RUNX1: variants seen among roughly 807,000 people sequenced by gnomAD.
RUNX1 encodes the protein runt-related transcription factor 1.
Under a neutral mutation model 42.8 loss-of-function variants are expected in RUNX1, and 19 were observed. The observed-to-expected ratio is 0.44, with a 90% CI of 0.31 to 0.65. The LOEUF (loss-of-function observed/expected upper bound fraction) is 0.65, where lower values mean the gene tolerates loss of function less well. Among genes scored for constraint, RUNX1 ranks in the 30% least tolerant of loss-of-function variants. The pLI, the probability that RUNX1 is intolerant of heterozygous loss-of-function variation, is 0.07. For missense variants in RUNX1, 528 were observed against 672.0 expected (o/e 0.79, Z 2.37); for synonymous variants, 271 against 289.4 (o/e 0.94, Z 0.64).
intron 2 of RUNX1, among the ~76,000 whole-genome samples, chr21:34,928,961 TG>T (rs57397826): frequency 0.48 from 66,177 of 138,434 alleles, 15,491 homozygotes; most frequent in East Asian, 0.66. Flanking sequence ...AGATTTTTTT[TG>T]GGGGGGGGGG....
intron 2 of RUNX1, among the ~76,000 whole-genome samples, chr21:34,942,326 A>C (rs1167250864): frequency 1.3e-5 from 2 of 152,164 alleles, no homozygotes; most frequent in Non-Finnish European, 2.9e-5. Flanking sequence ...GCAAAAAAAA[A>C]AAAATCATTT....
intron 2 of RUNX1, among the ~76,000 whole-genome samples, chr21:34,936,623 CGA>C (rs1283886534): frequency 6.6e-6 from 1 of 152,106 alleles, no homozygotes; most frequent in Admixed American, 6.5e-5. Context: ...CAAGAACACT[CGA>C]ATGCACAAAG....
At chr21:34,818,058 C>T (rs777144817) in intron 7 of RUNX1, among the ~76,000 whole-genome samples, 4 of 152,252 alleles carry the variant, frequency 2.6e-5, no homozygotes, top group Admixed American at 1.3e-4. Context: ...CTACTTTCTG[C>T]GGCTGTCACT....
chr21:34,888,679 G>A, intron 3 of RUNX1: 2 of 1,043,036 alleles, frequency 1.9e-6, no homozygotes, highest in Non-Finnish European at 2.3e-6. Flanking sequence ...GCCCGCGCCC[G>A]CTGGCTCTAT....
intron 8 of RUNX1, among the ~76,000 whole-genome samples, chr21:34,795,464 A>C (rs1270146955): frequency 6.6e-6 from 1 of 151,998 alleles, no homozygotes; most frequent in African/African-American, 2.4e-5. Flanking sequence ...GAGGGGATAC[A>C]CTCCTCATCA....
intron 2 of RUNX1, among the ~76,000 whole-genome samples, chr21:34,938,497 ATCC>A (rs1266432067): frequency 6.6e-6 from 1 of 151,802 alleles, no homozygotes; most frequent in South Asian, 2.1e-4. Flanking sequence ...CTGCTCTGCA[ATCC>A]TCCTCCTCCT....
At chr21:34,867,216 G>A (rs1172275148) in intron 5 of RUNX1, among the ~76,000 whole-genome samples, 1 of 151,588 alleles carries the variant, frequency 6.6e-6, no homozygotes, top group Non-Finnish European at 1.5e-5. Flanking sequence ...GGGCAGCTTG[G>A]TGAAACCCCA....
intron 2 of RUNX1, among the ~76,000 whole-genome samples, chr21:34,973,216 C>G (rs2058775403): frequency 6.6e-6 from 1 of 152,310 alleles, no homozygotes; most frequent in South Asian, 2.1e-4. Flanking sequence ...AGGCCCCTCA[C>G]ATCTCTAAAA....
At chr21:35,048,222 A>G (rs1024650288) in intron 2 of RUNX1, among the ~76,000 whole-genome samples, 2 of 152,190 alleles carry the variant, frequency 1.3e-5, no homozygotes, top group African/African-American at 4.8e-5. Context: ...ACAAGGAAAA[A>G]CACAGCACAG....
intron 6 of RUNX1, among the ~76,000 whole-genome samples, chr21:34,841,795 C>T (rs2057240252): frequency 6.6e-6 from 1 of 152,170 alleles, no homozygotes; most frequent in Non-Finnish European, 1.5e-5. Flanking sequence ...CCTGGAGATC[C>T]CCTTTTAAGT....
chr21:35,027,060 T>A (rs1269985109), intron 2 of RUNX1, among the ~76,000 whole-genome samples: 3 of 152,104 alleles, frequency 2.0e-5, no homozygotes, highest in Middle Eastern at 6.8e-3. Context: ...ACGGGGTCTG[T>A]GTCAAGAGGC....
In RUNX1 at chr21:34,967,640, A is replaced by G. The variant is rs182118938; in HGVS notation, c.59-74677T>C. 3.9e-5 allele frequency among the ~76,000 whole-genome samples: 6 copies of G among 152,340 alleles called. No homozygotes were observed. The East Asian group carries it at 1.2e-3, about 29-fold the overall frequency. On this transcript the variant is annotated intron_variant, in intron 2 of 8. Transcript: ENST00000675419. ...GTGGTGAGAAGTGACACAGAGTCAC[A>G]TTACATAAAATGACGAGGCCTGAGG...
chr21:34,868,798 T>C lies in RUNX1; in HGVS notation c.509-9220A>G, dbSNP rs554670046. On this transcript the variant is annotated intron_variant, in intron 5 of 8. Transcript: ENST00000675419. ...GGGTTCTCTTTGGCTGACCGTCGTA[T>C]TTCTCATGCTAGCCCAGTTCCTGGC... Among the ~76,000 whole-genome samples the C allele has an allele frequency of 9.2e-5, 14 of 152,356 alleles. No homozygotes were observed. The East Asian group carries it at 2.5e-3, about 27-fold the overall frequency.
At chr21:34,956,262 A>G (rs2058643195) in intron 2 of RUNX1, among the ~76,000 whole-genome samples, 1 of 152,160 alleles carries the variant, frequency 6.6e-6, no homozygotes, top group Non-Finnish European at 1.5e-5. Context: ...GAATTTTGCC[A>G]TAGCCCAAGC....
Position 34,886,986 on chromosome 21 carries a change from T to G in RUNX1, c.208A>C (p.Lys70Gln). The G allele has an allele frequency of 6.2e-7, 1 of 1,608,386 alleles. No homozygotes were observed. Among genetic ancestry groups the G allele is most frequent in the East Asian group, 2.2e-5 (1 of 44,832 alleles). The change falls in exon 4 of 9, where the codon AAG becomes CAG. Residue 70 changes from lysine (K) to glutamine (Q), a missense_variant. Transcript: ENST00000675419. ...APDAGAALAGKLRSGDRSMVE... is the reference protein window; with the variant it reads ...APDAGAALAGQLRSGDRSMVE... ...ATGCTGCGGTCGCCGCTCCTCAGCT[T>G]GCCGGCCAGGGCAGCGCCGGCGTCC...
intron 6 of RUNX1, among the ~76,000 whole-genome samples, chr21:34,838,018 T>G (rs2146096358): frequency 6.6e-6 from 1 of 152,314 alleles, no homozygotes; most frequent in African/African-American, 2.4e-5. Context: ...GTCAATGCCG[T>G]TTGCAAAATT....
intron 6 of RUNX1, among the ~76,000 whole-genome samples, chr21:34,845,676 G>A (rs924707996): frequency 4.6e-5 from 7 of 152,240 alleles, no homozygotes; most frequent in South Asian, 4.1e-4. Context: ...TTTCCCAGCC[G>A]GAGGGGGACC....
At chr21:34,911,680 T>C (rs1048177584) in intron 2 of RUNX1, among the ~76,000 whole-genome samples, 1 of 152,164 alleles carries the variant, frequency 6.6e-6, no homozygotes, top group African/African-American at 2.4e-5. Context: ...CTTGACGGCT[T>C]TCCAGGGCAC....
chr21:34,983,584 G>T (rs1257192320), intron 2 of RUNX1, among the ~76,000 whole-genome samples: 1 of 152,126 alleles, frequency 6.6e-6, no homozygotes, highest in Admixed American at 6.5e-5. Flanking sequence ...TTTGTGTGCT[G>T]GGAGTACAAC....
Sources: gnomAD v4.1 joint callset for allele counts (sites outside exome capture counted in the v4.1 genomes callset) on GRCh38, gnomAD v4.1.1 for gene constraint, MANE v1.5 for transcripts, NCBI Gene and HGNC (gene_info 2026-07-23, HGNC 2026-07-21) for gene names.